NELL1: variants seen among roughly 807,000 people sequenced by gnomAD.
The protein encoded by NELL1 is neural EGFL like 1.
Under a neutral mutation model 107.4 loss-of-function variants are expected in NELL1, and 76 were observed. The ratio of observed to expected loss-of-function variants is 0.71; its 90% CI spans 0.59 to 0.86. NELL1 has a LOEUF of 0.86. Among genes scored for constraint, NELL1 ranks in the 40% least tolerant of loss-of-function variants. The pLI is 0.00. For missense variants in NELL1, 1,024 were observed against 1,005.5 expected (o/e 1.02, Z -0.25); for synonymous variants, 353 against 341.2 (o/e 1.03, Z -0.38).
At chr11:21,309,307 TATATA>T (rs1849696333) in intron 14 of NELL1, among the ~76,000 whole-genome samples, 15 of 138,514 alleles carry the variant, frequency 1.1e-4, no homozygotes, top group South Asian at 6.6e-4. Context: ...TATGTATATA[TATATA>T]ATATATATAT....
chr11:21,433,753 A>G (rs991242503), intron 15 of NELL1, among the ~76,000 whole-genome samples: 16 of 151,968 alleles, frequency 1.1e-4, no homozygotes, highest in African/African-American at 3.9e-4. Flanking sequence ...TCGGCTCACC[A>G]CAACCTCCAC....
chr11:21,424,396 G>C (rs10766803), intron 15 of NELL1, among the ~76,000 whole-genome samples: 8 of 151,874 alleles, frequency 5.3e-5, no homozygotes, highest in African/African-American at 1.7e-4. Context: ...TGAGGCCGGC[G>C]GATCACTTGA....
At position 20,930,531 on chromosome 11, in the gene NELL1, A is replaced by C. The variant is rs902577425; in HGVS notation, c.997+2052A>C. Among the ~76,000 whole-genome samples the C allele has an allele frequency of 7.2e-5, 11 of 152,318 alleles. No individual in the cohort carries two copies. The East Asian group carries it at 2.1e-3, about 29-fold the overall frequency. On this transcript the variant is annotated intron_variant, in intron 9 of 19. Transcript: ENST00000357134. ...CTTTTCACTATTATAAAGCACGCTT[A>C]AATAACATGTTTTGTATAGAAAACA...
chr11:20,982,289 C>A (rs114131835), intron 12 of NELL1, among the ~76,000 whole-genome samples: 223 of 152,218 alleles, frequency 1.5e-3, no homozygotes, highest in African/African-American at 5.1e-3. Flanking sequence ...TCAAATGAAA[C>A]TGAGGGTGTT....
intron 2 of NELL1, among the ~76,000 whole-genome samples, chr11:20,782,052 AAT>A (rs201530220): frequency 6.8e-6 from 1 of 146,144 alleles, no homozygotes; most frequent in African/African-American, 2.6e-5. Context: ...AAAAAAAAAA[AAT>A]AATAATGATA....
At chr11:21,528,522 CTT>C (rs1554929484) in intron 15 of NELL1, among the ~76,000 whole-genome samples, 1 of 113,102 alleles carries the variant, frequency 8.8e-6, no homozygotes. Context: ...CCCCCCCCCC[CTT>C]TTTTTTTTTC....
chr11:21,372,164 A>G (rs1469409450), intron 15 of NELL1, among the ~76,000 whole-genome samples: 2 of 152,136 alleles, frequency 1.3e-5, no homozygotes, highest in African/African-American at 2.4e-5. Flanking sequence ...GCGCAGCGCA[A>G]GAGAATTACC....
rs534829528 is a variant in NELL1 at position 20,780,687 on chromosome 11, C to T, written c.185-2993C>T. Among the ~76,000 whole-genome samples, 7 of 152,232 alleles carry T rather than the reference C, an allele frequency of 4.6e-5. No homozygotes were observed. In the South Asian group the frequency reaches 1.5e-3, roughly 32 times the overall value. ...AATGAAGAAAATACCCAGACTGGAG[C>T]ATTAGAGAGACATTAATGCAGAGTC... On this transcript the variant is annotated intron_variant, in intron 2 of 19. Coordinates refer to ENST00000357134, the MANE Select transcript of NELL1 (RefSeq NM_006157.5).
chr11:21,082,123 G>A lies in NELL1; in HGVS notation c.1301-31466G>A, dbSNP rs912561830. 5.9e-5 allele frequency among the ~76,000 whole-genome samples: 9 copies of A among 152,166 alleles called. No homozygotes were observed. In the East Asian group the frequency reaches 1.4e-3, roughly 23 times the overall value. On this transcript the variant is annotated intron_variant, in intron 12 of 19. Coordinates refer to ENST00000357134, the MANE Select transcript of NELL1 (RefSeq NM_006157.5). ...TTACAGCTGAATTCTTTACAATGGC[G>A]ATCATTTCTTTTCCTGGCACTCGGC...
chr11:21,477,665 A>C (rs1041419769), intron 15 of NELL1, among the ~76,000 whole-genome samples: 11 of 152,088 alleles, frequency 7.2e-5, no homozygotes, highest in African/African-American at 2.4e-4. Flanking sequence ...ACAAGCATCA[A>C]GACTATCCAG....
intron 13 of NELL1, among the ~76,000 whole-genome samples, chr11:21,128,973 T>A (rs550806863): frequency 6.6e-6 from 1 of 152,346 alleles, no homozygotes; most frequent in South Asian, 2.1e-4. Context: ...AGCACTCACA[T>A]GTTGTCATGC....
At chr11:21,088,620 G>A (rs976565846) in intron 12 of NELL1, among the ~76,000 whole-genome samples, 1 of 152,086 alleles carries the variant, frequency 6.6e-6, no homozygotes, top group Non-Finnish European at 1.5e-5. Flanking sequence ...GTAATCTTAT[G>A]CTGCCTATAC....
intron 14 of NELL1, among the ~76,000 whole-genome samples, chr11:21,247,201 G>C (rs551467981): frequency 1.3e-5 from 2 of 152,210 alleles, no homozygotes; most frequent in African/African-American, 2.4e-5. Flanking sequence ...CACTATGGTA[G>C]GCTGTATATA....
At chr11:21,238,446 T>A (rs1858265668) in intron 14 of NELL1, among the ~76,000 whole-genome samples, 1 of 152,028 alleles carries the variant, frequency 6.6e-6, no homozygotes, top group South Asian at 2.1e-4. Context: ...CAGTCATATA[T>A]TGAAGAATGA....
intron 15 of NELL1, among the ~76,000 whole-genome samples, chr11:21,446,112 A>G (rs1043850334): frequency 5.9e-5 from 9 of 151,940 alleles, no homozygotes; most frequent in African/African-American, 2.2e-4. Flanking sequence ...TGCTTGACCA[A>G]TTCTGCTATT....
intron 13 of NELL1, among the ~76,000 whole-genome samples, chr11:21,183,111 A>G (rs1856862891): frequency 6.6e-6 from 1 of 151,942 alleles, no homozygotes; most frequent in South Asian, 2.1e-4. Flanking sequence ...ACCTTAAACC[A>G]AATTTCCAAA....
chr11:20,778,738 C>G (rs1441074315), intron 2 of NELL1, among the ~76,000 whole-genome samples: 1 of 152,026 alleles, frequency 6.6e-6, no homozygotes, highest in African/African-American at 2.4e-5. Flanking sequence ...TGCGAAACTA[C>G]CTTTATGCAA....
intron 12 of NELL1, among the ~76,000 whole-genome samples, chr11:20,975,514 A>G (rs1851587131): frequency 6.8e-6 from 1 of 146,636 alleles, no homozygotes; most frequent in African/African-American, 2.5e-5. Flanking sequence ...ATTATATATT[A>G]TTTAATATAT....
chr11:21,571,654 A>T, intron 18 of NELL1, among the ~76,000 whole-genome samples: 1 of 152,022 alleles, frequency 6.6e-6, no homozygotes. Flanking sequence ...TGTTATAAAT[A>T]TTAATATAGG....
Sources: allele counts gnomAD v4.1 joint callset (sites outside exome capture counted in the v4.1 genomes callset), GRCh38; gene constraint gnomAD v4.1.1; transcripts MANE v1.5; gene names NCBI Gene and HGNC (gene_info 2026-07-23, HGNC 2026-07-21).